The following EPB41L1 variants were observed in gnomAD, a reference collection of about 807,000 sequenced individuals.
EPB41L1 encodes the protein band 4.1-like protein 1.
A neutral mutation model predicts 97.8 loss-of-function variants in EPB41L1; 29 were observed. The observed-to-expected ratio is 0.30, with a 90% CI of 0.22 to 0.40. EPB41L1 has a LOEUF of 0.40. EPB41L1 is among the 10% of genes least tolerant of loss of function. EPB41L1 has a pLI of 1.00. For missense variants in EPB41L1, 812 were observed against 1,162.3 expected, an observed-to-expected ratio of 0.70 and a Z score of 4.38; for synonymous variants, 383 against 459.2, an observed-to-expected ratio of 0.83 and a Z score of 2.12.
At position 36,231,387 on chromosome 20, in the gene EPB41L1, T is replaced by G. The variant is rs1486172652; in HGVS notation, c.*2047T>G. The G allele has an allele frequency of 3.3e-5, 5 of 152,242 alleles. No individual in the cohort carries two copies. Among genetic ancestry groups the G allele is most frequent in the African/African-American group, 1.2e-4 (5 of 41,466 alleles). 9.4% of individuals were successfully genotyped at this position (152,242 alleles called of 1,614,324 possible). A position where few individuals can be genotyped will look rare whatever the true frequency, so the allele number is the denominator to read the frequency against. Reference sequence around the variant, plus strand: ...ATAAATTCATTCCACAAGTATTTACTGATTACCTGCTTGTGCCAGGGACTA... The same window carrying G: ...ATAAATTCATTCCACAAGTATTTACGGATTACCTGCTTGTGCCAGGGACTA... On this transcript the variant is annotated 3_prime_UTR_variant, in exon 22 of 22. Transcript: ENST00000338074.
At chr20:36,113,803 T>C (rs2058498955) in intron 2 of EPB41L1, 2 of 152,494 alleles carry the variant, frequency 1.3e-5, no homozygotes, top group African/African-American at 4.8e-5. Flanking sequence ...GCTCAAGGTA[T>C]GTGCGCATAG....
In EPB41L1 at chr20:36,190,236, A is replaced by G; in HGVS notation, c.1027-41A>G. On this transcript the variant is annotated intron_variant, in intron 9 of 21. Coordinates refer to ENST00000338074, the MANE Select transcript of EPB41L1 (RefSeq NM_012156.2). The surrounding 1 kb of genome is among the most constrained non-coding windows in gnomAD (Gnocchi z 5.8). ...AAAGAATGGGCTAGTGGCGAGAGTGAGCTCAGGCCCTGCCTCTAACCTGCC... is the reference window on the plus strand; with the variant it reads ...AAAGAATGGGCTAGTGGCGAGAGTGGGCTCAGGCCCTGCCTCTAACCTGCC... 1 of 1,502,410 alleles carries G rather than the reference A, an allele frequency of 6.7e-7. No individual in the cohort carries two copies. Among genetic ancestry groups the G allele is most frequent in the Non-Finnish European group, 9.3e-7 (1 of 1,078,954 alleles). The allele number at this position is 1,502,410 out of a possible 1,614,324, so 93.1% of individuals were successfully genotyped here. A position where few individuals can be genotyped will look rare whatever the true frequency, so the allele number is the denominator to read the frequency against.
At chr20:36,157,138 C>T (rs182628673) in intron 1 of EPB41L1, among the ~76,000 whole-genome samples, 5 of 152,232 alleles carry the variant, frequency 3.3e-5, no homozygotes, top group Non-Finnish European at 7.4e-5. Flanking sequence ...GCAGGAGAAT[C>T]GCCTGACCCC....
At chr20:36,203,670 C>T (rs766206905) in intron 14 of EPB41L1, among the ~76,000 whole-genome samples, 1 of 152,226 alleles carries the variant, frequency 6.6e-6, no homozygotes, top group Non-Finnish European at 1.5e-5. Context: ...GCTCTCAAAG[C>T]ACGTCCCTTT....
At chr20:36,126,389 A>G (rs1249367126) in intron 2 of EPB41L1, among the ~76,000 whole-genome samples, 1 of 146,784 alleles carries the variant, frequency 6.8e-6, no homozygotes, top group Non-Finnish European at 1.5e-5. Flanking sequence ...TTTTTGAGAC[A>G]GAGTTTCACT....
intron 1 of EPB41L1, among the ~76,000 whole-genome samples, chr20:36,165,992 C>T (rs1600696599): frequency 6.6e-6 from 1 of 152,354 alleles, no homozygotes; most frequent in Non-Finnish European, 1.5e-5. Flanking sequence ...TGTGCATCCT[C>T]ATTAGTAAAA....
chr20:36,200,471 A>C (rs2062438051), intron 14 of EPB41L1, among the ~76,000 whole-genome samples: 1 of 152,210 alleles, frequency 6.6e-6, no homozygotes, highest in Non-Finnish European at 1.5e-5. Context: ...CCCATTTGCC[A>C]AACCCAAGTT....
rs140360569 is a variant in EPB41L1, at chr20:36,096,110, A to G, written c.-65+4498A>G. Among the ~76,000 whole-genome samples the G allele has an allele frequency of 3.2e-3, 493 of 152,180 alleles. 18 individuals carry two copies. Among genetic ancestry groups the G allele is most frequent in the Admixed American group, 0.029 (447 of 15,288 alleles). ...ATAACTCTGGAGGTGTGGCCCAGCA[A>G]TCTATGTTTTAACAAACACAGGTAA... On this transcript the variant is annotated intron_variant, in intron 1 of 19. Coordinates refer to the EPB41L1 transcript ENST00000202028.
rs935729462 is a variant in EPB41L1, at chr20:36,230,982, G to A, written c.*1642G>A. The A allele has an allele frequency of 6.6e-6, 1 of 152,190 alleles. No homozygotes were observed. Among genetic ancestry groups the A allele is most frequent in the Non-Finnish European group, 1.5e-5 (1 of 68,060 alleles). The allele number at this position is 152,190 out of a possible 1,614,324, so 9.4% of individuals were successfully genotyped here. A position where few individuals can be genotyped will look rare whatever the true frequency, so the allele number is the denominator to read the frequency against. ...AGGCCAAAGTAGCCATGGTAAGGAGGCTTCATGGGGCAGACCCTGAAAGAT... is the reference window on the plus strand; with the variant it reads ...AGGCCAAAGTAGCCATGGTAAGGAGACTTCATGGGGCAGACCCTGAAAGAT... On this transcript the variant is annotated 3_prime_UTR_variant, in exon 22 of 22. Coordinates refer to ENST00000338074, the MANE Select transcript of EPB41L1 (RefSeq NM_012156.2).
At chr20:36,159,860 A>C (rs925873348) in intron 1 of EPB41L1, among the ~76,000 whole-genome samples, 15 of 152,242 alleles carry the variant, frequency 9.9e-5, no homozygotes, top group African/African-American at 3.6e-4. Context: ...GGCAATTGGC[A>C]AGTTAATTAA....
chr20:36,131,301 G>A (rs2059199483), intron 2 of EPB41L1, among the ~76,000 whole-genome samples: 1 of 152,022 alleles, frequency 6.6e-6, no homozygotes, highest in Non-Finnish European at 1.5e-5. Context: ...GTAAAGATGG[G>A]GTTTCACCAT....
intron 1 of EPB41L1, among the ~76,000 whole-genome samples, chr20:36,159,958 G>A (rs1246450703): frequency 6.6e-6 from 1 of 152,146 alleles, no homozygotes; most frequent in East Asian, 1.9e-4. Context: ...ATAAGTTAAG[G>A]CATGTAAACA....
intron 2 of EPB41L1, among the ~76,000 whole-genome samples, chr20:36,143,182 T>TGTGG (rs1600555294): frequency 8.8e-6 from 1 of 113,494 alleles, no homozygotes; most frequent in Non-Finnish European, 1.8e-5. Flanking sequence ...TGTGTGTGTG[T>TGTGG]TGGGGATAGA....
At position 36,120,996 on chromosome 20, in the gene EPB41L1, G is replaced by A. The variant is rs193245127; in HGVS notation, c.-10+8516G>A. Among the ~76,000 whole-genome samples the A allele has an allele frequency of 2.6e-5, 4 of 151,308 alleles. No homozygotes were observed. In the Admixed American group the frequency reaches 2.6e-4, roughly 10 times the overall value. On this transcript the variant is annotated intron_variant, in intron 2 of 19. Transcript: ENST00000202028. ...TAGTTCATGAGCATGATGATTGGGT[G>A]TTCACGCATGGGGGTGAGATGTGCC... is the stretch of plus-strand genomic sequence containing the variant.
At chr20:36,141,818 GA>G (rs1321019513) in intron 2 of EPB41L1, among the ~76,000 whole-genome samples, 1 of 152,046 alleles carries the variant, frequency 6.6e-6, no homozygotes, top group Admixed American at 6.6e-5. Flanking sequence ...ATATTTTATA[GA>G]AATTGGGGCC....
intron 1 of EPB41L1, among the ~76,000 whole-genome samples, chr20:36,111,990 G>A (rs752411839): frequency 1.2e-4 from 18 of 151,882 alleles, no homozygotes; most frequent in Non-Finnish European, 2.5e-4. Flanking sequence ...GCAAGTTCTG[G>A]GGATACCACC....
At position 36,206,638 on chromosome 20, in the gene EPB41L1, G is replaced by T. The variant is rs1600956129; in HGVS notation, c.1669-2850G>T. On this transcript the variant is annotated intron_variant, in intron 14 of 21. Coordinates refer to ENST00000338074, the MANE Select transcript of EPB41L1 (RefSeq NM_012156.2). The surrounding 1 kb of genome is among the most constrained non-coding windows in gnomAD (Gnocchi z 5.5). ...TGCTTCCAGCAGGAGCAAGGACGAA[G>T]CCCACATGACTTCCCCAAAGGAAGG... is the stretch of plus-strand genomic sequence containing the variant. 2 of 1,289,706 alleles carry T rather than the reference G, an allele frequency of 1.6e-6. No homozygotes were observed. The highest frequency in any genetic ancestry group is 1.5e-5 in the African/African-American group (1 of 65,862). 79.9% of individuals were successfully genotyped at this position (1,289,706 alleles called of 1,614,324 possible).
At chr20:36,102,858 G>C (rs1429655830) in intron 1 of EPB41L1, among the ~76,000 whole-genome samples, 3 of 152,202 alleles carry the variant, frequency 2.0e-5, no homozygotes, top group Non-Finnish European at 4.4e-5. Flanking sequence ...GGTGACCTCT[G>C]TTCAGAGCTG....
rs1280580373 is a variant in EPB41L1, at chr20:36,212,528, T to C, written c.2184+152T>C. The stretch of plus-strand genomic sequence containing the variant: ...ATCCTGATGCTCTCCTGTGCCTCAG[T>C]GTCCTCTCTGAGCTCTGGGGAGGGG... On this transcript the variant is annotated intron_variant, in intron 16 of 21. Coordinates refer to ENST00000338074, the MANE Select transcript of EPB41L1 (RefSeq NM_012156.2). The surrounding 1 kb of genome is among the most constrained non-coding windows in gnomAD (Gnocchi z 4.8). The C allele has an allele frequency of 1.4e-6, 1 of 696,750 alleles. No homozygotes were observed. Among genetic ancestry groups the C allele is most frequent in the Non-Finnish European group, 2.5e-6 (1 of 399,244 alleles). 43.2% of individuals were successfully genotyped at this position (696,750 alleles called of 1,614,324 possible).
Sources: gnomAD v4.1 joint callset for allele counts (sites outside exome capture counted in the v4.1 genomes callset) on GRCh38, gnomAD v4.1.1 for gene constraint, Gnocchi (gnomAD v3.1) non-coding constraint, MANE v1.5 for transcripts, NCBI Gene and HGNC (gene_info 2026-07-23, HGNC 2026-07-21) for gene names.